The following SSBP2 variants were observed in gnomAD, a reference collection of about 807,000 sequenced individuals.
SSBP2 encodes single stranded DNA binding protein 2.
SSBP2 carries 17 observed loss-of-function variants against 61.8 expected under a neutral mutation model. The ratio of observed to expected loss-of-function variants is 0.28; its 90% CI spans 0.19 to 0.41. The LOEUF is 0.41. SSBP2 is among the 10% of genes least tolerant of loss of function. SSBP2 has a pLI of 1.00. For synonymous variants in SSBP2, 139 were observed against 141.3 expected, an observed-to-expected ratio of 0.98 and a Z score of 0.12; for missense variants, 310 against 458.7, an observed-to-expected ratio of 0.68 and a Z score of 2.96.
chr5:81,713,470 A>C (rs912943725), intron 1 of SSBP2, among the ~76,000 whole-genome samples: 4 of 152,184 alleles, frequency 2.6e-5, no homozygotes, highest in Non-Finnish European at 4.4e-5. Context: ...ATAAAGAAAA[A>C]GTTTATGTGT....
At chr5:81,650,188 T>C in intron 2 of SSBP2, 79 bp downstream of exon 2, 1 of 1,058,124 alleles carries the variant, frequency 9.5e-7, no homozygotes. Context: ...AACAAACTTT[T>C]TTCAAATAAT....
intron 7 of SSBP2, 79 bp from the exon 8 acceptor site, chr5:81,473,849 G>A: frequency 7.7e-7 from 1 of 1,299,294 alleles, no homozygotes. Context: ...TCCCTCCTGG[G>A]TGTTACTGTC....
At chr5:81,424,225 A>G (rs181552564) in intron 16 of SSBP2, among the ~76,000 whole-genome samples, 368 of 152,258 alleles carry the variant, frequency 2.4e-3, no homozygotes, top group African/African-American at 6.9e-3. Context: ...GGAGTTCGAG[A>G]CCAGCCTGAC....
chr5:81,474,922 C>T (rs932960615), intron 6 of SSBP2, among the ~76,000 whole-genome samples: 4 of 152,056 alleles, frequency 2.6e-5, no homozygotes, highest in African/African-American at 9.7e-5. Context: ...CATGTAAATT[C>T]CCTATTTCTA....
intron 4 of SSBP2, among the ~76,000 whole-genome samples, chr5:81,593,067 A>G (rs918181610): frequency 2.6e-5 from 4 of 152,204 alleles, no homozygotes. Flanking sequence ...AATCTGAACC[A>G]ATGGCAAAGA....
intron 4 of SSBP2, among the ~76,000 whole-genome samples, chr5:81,603,215 G>A (rs191056001): frequency 2.3e-4 from 35 of 152,292 alleles, no homozygotes; most frequent in Admixed American, 1.3e-4. Context: ...TTGTGAAGAC[G>A]CAAACTGCCA....
intron 1 of SSBP2, among the ~76,000 whole-genome samples, chr5:81,661,464 C>T (rs1456649155): frequency 6.6e-6 from 1 of 152,026 alleles, no homozygotes; most frequent in Non-Finnish European, 1.5e-5. Context: ...TATATTCCCA[C>T]CAACAGTGTA....
intron 15 of SSBP2, among the ~76,000 whole-genome samples, chr5:81,436,907 C>T (rs367785681): frequency 6.7e-4 from 102 of 152,168 alleles, no homozygotes; most frequent in Middle Eastern, 3.4e-3. Context: ...CCTGCTTGTA[C>T]GAATATAATT....
rs1445267872 is a variant in SSBP2 at position 81,415,953 on chromosome 5, TG to T, written c.*4550del. 1.1e-4 allele frequency: 14 copies of T among 125,890 alleles called. No homozygotes were observed. Among genetic ancestry groups the T allele is most frequent in the African/African-American group, 5.0e-4 (14 of 27,778 alleles). 7.8% of individuals were successfully genotyped at this position (125,890 alleles called of 1,614,324 possible). On this transcript the variant is annotated 3_prime_UTR_variant, in exon 17 of 17. Coordinates refer to ENST00000320672, the MANE Select transcript of SSBP2 (RefSeq NM_012446.5). Reference sequence around the variant, plus strand: ...AAGAGGAAAACCTGATCAAGCATAGTGGCTCATGCCTGTAATCCCAGCACTT... The same window carrying T: ...AAGAGGAAAACCTGATCAAGCATAGTGCTCATGCCTGTAATCCCAGCACTT...
intron 1 of SSBP2, among the ~76,000 whole-genome samples, chr5:81,660,281 T>C (rs537279194): frequency 6.6e-6 from 1 of 151,648 alleles, no homozygotes; most frequent in East Asian, 1.9e-4. Flanking sequence ...CTGACAAAGG[T>C]CTACCAGAAT....
At chr5:81,476,030 A>AC (rs1765567323) in intron 6 of SSBP2, among the ~76,000 whole-genome samples, 1 of 152,110 alleles carries the variant, frequency 6.6e-6, no homozygotes, top group South Asian at 2.1e-4. Context: ...CGGATTGCCA[A>AC]CTGTTAATAT....
chr5:81,495,890 A>T (rs1301074152), intron 5 of SSBP2, among the ~76,000 whole-genome samples: 1 of 151,020 alleles, frequency 6.6e-6, no homozygotes, highest in Non-Finnish European at 1.5e-5. Context: ...ATTAAAAAGT[A>T]AAAAAAACCC....
chr5:81,526,720 G>T (rs1186237924), intron 4 of SSBP2, among the ~76,000 whole-genome samples: 1 of 151,758 alleles, frequency 6.6e-6, no homozygotes, highest in Non-Finnish European at 1.5e-5. Flanking sequence ...ACAAATATTT[G>T]CACCTACTAT....
intron 12 of SSBP2, chr5:81,443,042 GTGTGTATA>G (rs1260445893): frequency 6.1e-6 from 1 of 164,554 alleles, no homozygotes; most frequent in African/African-American, 2.4e-5. Flanking sequence ...GTGTGTGTAT[GTGTGTATA>G]TGTAATATAT....
chr5:81,494,481 T>G (rs1203453489), intron 5 of SSBP2, among the ~76,000 whole-genome samples: 2 of 152,168 alleles, frequency 1.3e-5, no homozygotes, highest in Admixed American at 1.3e-4. Context: ...GAGAAGTAAT[T>G]AAGTCATGAG....
At chr5:81,460,766 T>G (rs1580741531) in intron 10 of SSBP2, among the ~76,000 whole-genome samples, 1 of 152,222 alleles carries the variant, frequency 6.6e-6, no homozygotes, top group African/African-American at 2.4e-5. Flanking sequence ...GATCACTATT[T>G]ATAGGCTATT....
At chr5:81,709,548 C>G (rs1754630638) in intron 1 of SSBP2, among the ~76,000 whole-genome samples, 1 of 151,706 alleles carries the variant, frequency 6.6e-6, no homozygotes, top group South Asian at 2.1e-4. Context: ...ATAAAAGACA[C>G]AAACATATAA....
At chr5:81,434,768 A>G (rs758907381) in intron 15 of SSBP2, among the ~76,000 whole-genome samples, 3 of 152,202 alleles carry the variant, frequency 2.0e-5, no homozygotes, top group Non-Finnish European at 4.4e-5. Flanking sequence ...CCAGGAAAAC[A>G]AAAGGAAGAA....
Position 81,570,055 on chromosome 5 carries a change from G to A in SSBP2, c.282+45418C>T, listed in dbSNP as rs1773722564. 2.0e-5 allele frequency among the ~76,000 whole-genome samples: 3 copies of A among 152,046 alleles called. No homozygotes were observed. In the South Asian group the frequency reaches 6.2e-4, roughly 32 times the overall value. ...CCCATGAATGGATAATAAATTAACA[G>A]TAAACCCTTATAATTAAGTGATATA... On this transcript the variant is annotated intron_variant, in intron 4 of 16. Coordinates refer to ENST00000320672, the MANE Select transcript of SSBP2 (RefSeq NM_012446.5).
Sources: gnomAD v4.1 joint callset for allele counts (sites outside exome capture counted in the v4.1 genomes callset) on GRCh38, gnomAD v4.1.1 for gene constraint, MANE v1.5 for transcripts, NCBI Gene and HGNC (gene_info 2026-07-23, HGNC 2026-07-21) for gene names.